CDH4: variants seen among roughly 807,000 people sequenced by gnomAD.
The protein encoded by CDH4 is cadherin-4.
CDH4 carries 33 observed loss-of-function variants against 86.0 expected under a neutral mutation model. The ratio of observed to expected loss-of-function variants is 0.38; its 90% CI spans 0.29 to 0.51. The LOEUF (loss-of-function observed/expected upper bound fraction) is 0.51. Among genes scored for constraint, CDH4 ranks in the 20% least tolerant of loss-of-function variants. CDH4 has a pLI of 0.86. For missense variants in CDH4, 1,114 were observed against 1,307.4 expected, an observed-to-expected ratio of 0.85 and a Z score of 2.28; for synonymous variants, 555 against 549.4, an observed-to-expected ratio of 1.01 and a Z score of -0.14.
chr20:61,822,004 G>C (rs149241418), intron 4 of CDH4, among the ~76,000 whole-genome samples: 79 of 152,388 alleles, frequency 5.2e-4, no homozygotes, highest in African/African-American at 1.8e-3. Context: ...CCCAGCGAGT[G>C]ATGGGTCTGA....
intron 2 of CDH4, among the ~76,000 whole-genome samples, chr20:61,424,094 G>A (rs1250260257): frequency 4.1e-5 from 6 of 146,900 alleles, no homozygotes; most frequent in East Asian, 4.1e-4. Flanking sequence ...GTATACACAC[G>A]TATACACACA....
At chr20:61,908,848 G>T (rs1408912354) in intron 8 of CDH4, among the ~76,000 whole-genome samples, 1 of 152,206 alleles carries the variant, frequency 6.6e-6, no homozygotes, top group Non-Finnish European at 1.5e-5. Flanking sequence ...CGTCCCAACG[G>T]GCCCAGCCAC....
intron 2 of CDH4, among the ~76,000 whole-genome samples, chr20:61,354,171 C>T (rs750161300): frequency 1.3e-5 from 2 of 152,032 alleles, no homozygotes; most frequent in Non-Finnish European, 2.9e-5. Context: ...GTGCTTAGGA[C>T]GCCCCCCACC....
chr20:61,873,620 G>A lies in CDH4; in HGVS notation c.878-108G>A, dbSNP rs144299364. 1.4e-4 allele frequency: 167 copies of A among 1,232,776 alleles called. 1 individual carries two copies. In the East Asian group the frequency reaches 3.8e-3, roughly 28 times the overall value. The allele number at this position is 1,232,776 out of a possible 1,614,324, so 76.4% of individuals were successfully genotyped here. ...GCCGAGAGGAAGGGGGTTCCGCTAC[G>A]CCAGACTCACGGAGAGCTCTGTGGT... On this transcript the variant is annotated intron_variant, in intron 6 of 15. Transcript: ENST00000614565.
At chr20:61,598,547 G>T (rs987172917) in intron 2 of CDH4, among the ~76,000 whole-genome samples, 1 of 152,134 alleles carries the variant, frequency 6.6e-6, no homozygotes, top group South Asian at 2.1e-4. Flanking sequence ...AGGGAGTGAC[G>T]ACCCCTGCGG....
At chr20:61,638,492 G>A (rs6061298) in intron 2 of CDH4, among the ~76,000 whole-genome samples, 94,380 of 151,858 alleles carry the variant, frequency 0.62, 29,807 homozygotes, top group African/African-American at 0.73. Flanking sequence ...ACTCTCTGGG[G>A]GGACACTTTG....
At chr20:61,500,806 TCA>T (rs775008539) in intron 2 of CDH4, among the ~76,000 whole-genome samples, 1 of 152,206 alleles carries the variant, frequency 6.6e-6, no homozygotes, top group Non-Finnish European at 1.5e-5. Context: ...ACGTATAGCC[TCA>T]CAGCCCATCC....
chr20:61,757,280 G>T (rs1385799173), intron 3 of CDH4, among the ~76,000 whole-genome samples: 5 of 152,152 alleles, frequency 3.3e-5, no homozygotes, highest in Non-Finnish European at 7.4e-5. Flanking sequence ...GGGGGTGGTG[G>T]GCCGTCAGTA....
intron 2 of CDH4, among the ~76,000 whole-genome samples, chr20:61,567,114 A>G (rs1466686596): frequency 6.6e-6 from 1 of 152,200 alleles, no homozygotes; most frequent in Non-Finnish European, 1.5e-5. Flanking sequence ...GCTGCCATCC[A>G]AAAATCACTG....
At chr20:61,541,996 C>T (rs1337255582) in intron 2 of CDH4, among the ~76,000 whole-genome samples, 2 of 152,158 alleles carry the variant, frequency 1.3e-5, no homozygotes, top group African/African-American at 4.8e-5. Context: ...TGCCTGCCAC[C>T]ACATGCCGAA....
At chr20:61,362,505 T>A (rs1458370809) in intron 2 of CDH4, among the ~76,000 whole-genome samples, 2 of 87,140 alleles carry the variant, frequency 2.3e-5, no homozygotes, top group African/African-American at 4.6e-5. Context: ...GACAGTGTAG[T>A]GGAGAGCGGA....
chr20:61,735,487 C>A lies in CDH4; in HGVS notation c.170-8076C>A, dbSNP rs564823508. On this transcript the variant is annotated intron_variant, in intron 2 of 15. Coordinates refer to ENST00000614565, the MANE Select transcript of CDH4 (RefSeq NM_001794.5). ...TACAGGAAGGTGCCTGCAGGGACCACAGCCCAGCCCAATGCAGACCCCCAA... is the reference window on the plus strand; with the variant it reads ...TACAGGAAGGTGCCTGCAGGGACCAAAGCCCAGCCCAATGCAGACCCCCAA... Among the ~76,000 whole-genome samples, 3 of 152,168 alleles carry A rather than the reference C, an allele frequency of 2.0e-5. No individual in the cohort carries two copies. In the East Asian group the frequency reaches 5.8e-4, roughly 29 times the overall value.
At chr20:61,883,625 A>G (rs996695011) in intron 7 of CDH4, among the ~76,000 whole-genome samples, 1 of 152,220 alleles carries the variant, frequency 6.6e-6, no homozygotes, top group Admixed American at 6.5e-5. Context: ...AGGCCACTGG[A>G]GAGCTCAGGC....
At chr20:61,935,639 A>G (rs2055174136) in intron 15 of CDH4, among the ~76,000 whole-genome samples, 2 of 152,076 alleles carry the variant, frequency 1.3e-5, no homozygotes, top group South Asian at 4.2e-4. Flanking sequence ...TAATCCCAAC[A>G]CTTTGGGAGG....
At chr20:61,453,568 G>A (rs886071674) in intron 2 of CDH4, among the ~76,000 whole-genome samples, 8 of 152,100 alleles carry the variant, frequency 5.3e-5, no homozygotes, top group Non-Finnish European at 8.8e-5. Context: ...TCCAGGGTGC[G>A]CTCAACCCAT....
At chr20:61,565,909 C>T (rs1052452466) in intron 2 of CDH4, among the ~76,000 whole-genome samples, 7 of 152,298 alleles carry the variant, frequency 4.6e-5, no homozygotes, top group Admixed American at 2.6e-4. Flanking sequence ...GCATCCACCC[C>T]CTCTGTCCTC....
chr20:61,842,122 G>A (rs1226313208), intron 4 of CDH4, among the ~76,000 whole-genome samples: 1 of 152,180 alleles, frequency 6.6e-6, no homozygotes, highest in Non-Finnish European at 1.5e-5. Context: ...TCTATCAAAC[G>A]TGCTTTGAGT....
intron 2 of CDH4, among the ~76,000 whole-genome samples, chr20:61,610,723 G>A (rs2086678902): frequency 1.3e-5 from 2 of 152,198 alleles, no homozygotes; most frequent in Non-Finnish European, 1.5e-5. Context: ...ACATGTGATA[G>A]TGTCCGTGTT....
At chr20:61,359,245 G>C (rs145005164) in intron 2 of CDH4, among the ~76,000 whole-genome samples, 5 of 152,156 alleles carry the variant, frequency 3.3e-5, no homozygotes, top group Non-Finnish European at 5.9e-5. Flanking sequence ...ATTCTGTGTC[G>C]TTGGCTCACT....
Sources: gnomAD v4.1 joint callset for allele counts (sites outside exome capture counted in the v4.1 genomes callset) on GRCh38, gnomAD v4.1.1 for gene constraint, MANE v1.5 for transcripts, NCBI Gene and HGNC (gene_info 2026-07-23, HGNC 2026-07-21) for gene names.